Variants in STK32C observed in about 807,000 individuals in gnomAD.
STK32C encodes the protein serine/threonine kinase 32C, also known as serine/threonine-protein kinase 32C.
A neutral mutation model predicts 56.5 loss-of-function variants in STK32C; 31 were observed. The ratio of observed to expected loss-of-function variants is 0.55; its 90% CI spans 0.41 to 0.74. The LOEUF (loss-of-function observed/expected upper bound fraction) is 0.74. STK32C is among the 30% of genes least tolerant of loss of function. The pLI is 0.00. For synonymous variants in STK32C, 309 were observed against 289.4 expected (o/e 1.07, Z -0.69); for missense variants, 544 against 676.9 (o/e 0.80, Z 2.18).
chr10:132,246,775 G>A (rs935030783), intron 1 of STK32C, among the ~76,000 whole-genome samples: 7 of 152,086 alleles, frequency 4.6e-5, no homozygotes, highest in Non-Finnish European at 1.0e-4. Context: ...TAAGACGGGG[G>A]TCCCACAATG....
At chr10:132,240,077 C>G (rs756435095) in intron 2 of STK32C, among the ~76,000 whole-genome samples, 15 of 152,104 alleles carry the variant, frequency 9.9e-5, no homozygotes, top group African/African-American at 2.9e-4. Context: ...CGAGGCCCCC[C>G]CCAAAGAAGA....
At chr10:132,321,050 G>C (rs2066397384), downstream of STK32C, among the ~76,000 whole-genome samples, 1 of 152,226 alleles carries the variant, frequency 6.6e-6, no homozygotes, top group South Asian at 2.1e-4. Flanking sequence ...GGGGTGTCAG[G>C]TGGGAGGGAG....
intron 1 of STK32C, among the ~76,000 whole-genome samples, chr10:132,316,109 A>C (rs2066304566): frequency 6.6e-6 from 1 of 152,234 alleles, no homozygotes; most frequent in Non-Finnish European, 1.5e-5. Context: ...AAGCTAAAAA[A>C]ACCATTCCAC....
At chr10:132,228,224 T>C (rs911957045) in intron 2 of STK32C, 96 bp from the exon 3 acceptor site, 1 of 1,557,894 alleles carries the variant, frequency 6.4e-7, no homozygotes, top group East Asian at 2.2e-5. Flanking sequence ...GGACGCATCG[T>C]CAGGACACAA....
chr10:132,331,180 G>A (rs1025945196), intron 1 of STK32C, among the ~76,000 whole-genome samples: 17 of 105,046 alleles, frequency 1.6e-4, no homozygotes, highest in Non-Finnish European at 2.7e-4. Flanking sequence ...CAGCCTGGGA[G>A]ACAAAGCAAG....
At chr10:132,245,862 C>T (rs3829920) in intron 2 of STK32C, 38 bp downstream of exon 2, 260,317 of 1,597,198 alleles carry the variant, frequency 0.16, 22,082 homozygotes, top group East Asian at 0.23. Flanking sequence ...TCTGCCCCTG[C>T]CCCCTCAGCC....
rs149504357 is a variant in STK32C, at chr10:132,234,775, G to A, written c.319-6647C>T. 4.0e-3 allele frequency among the ~76,000 whole-genome samples: 602 copies of A among 152,344 alleles called. 2 individuals are homozygous for A. The highest frequency in any genetic ancestry group is 0.013 in the African/African-American group (546 of 41,576). Reference sequence around the variant, plus strand: ...AGCTGCTGGGGGGGCCTTGGGGGTTGGAGGTCAGGTAAAGACAGGAAGTCT... The same window carrying A: ...AGCTGCTGGGGGGGCCTTGGGGGTTAGAGGTCAGGTAAAGACAGGAAGTCT... On this transcript the variant is annotated intron_variant, in intron 2 of 11. Transcript: ENST00000298630.
At chr10:132,252,373 T>C (rs2063940081) in intron 1 of STK32C, among the ~76,000 whole-genome samples, 3 of 152,238 alleles carry the variant, frequency 2.0e-5, no homozygotes, top group Admixed American at 2.0e-4. Context: ...GAAGGGGACA[T>C]TTGGCAAAGA....
chr10:132,269,251 ATG>A (rs1425329450), intron 1 of STK32C, among the ~76,000 whole-genome samples: 1 of 151,710 alleles, frequency 6.6e-6, no homozygotes, highest in Non-Finnish European at 1.5e-5. Flanking sequence ...GTCTCCGTGC[ATG>A]TGTGTGCACA....
intron 1 of STK32C, among the ~76,000 whole-genome samples, chr10:132,253,167 T>C (rs1031979321): frequency 6.6e-6 from 1 of 152,184 alleles, no homozygotes; most frequent in Admixed American, 6.5e-5. Context: ...AGCAACAAAA[T>C]AACCAAAGAA....
intron 1 of STK32C, among the ~76,000 whole-genome samples, chr10:132,304,054 G>A (rs917269536): frequency 5.3e-5 from 8 of 152,190 alleles, no homozygotes; most frequent in South Asian, 4.1e-4. Context: ...TATTTCACAC[G>A]GACCCCTTTG....
downstream of STK32C, among the ~76,000 whole-genome samples, chr10:132,319,394 G>A (rs1045506367): frequency 6.6e-6 from 1 of 152,220 alleles, no homozygotes; most frequent in African/African-American, 2.4e-5. Flanking sequence ...ATTCATAGCA[G>A]CATGATTTCA....
At chr10:132,233,919 A>C (rs531561871) in intron 2 of STK32C, among the ~76,000 whole-genome samples, 30 of 152,354 alleles carry the variant, frequency 2.0e-4, no homozygotes, top group African/African-American at 6.7e-4. Context: ...CTGGAGCCTT[A>C]CTGGGCTTGG....
chr10:132,301,287 G>T (rs2065904628), intron 1 of STK32C, among the ~76,000 whole-genome samples: 1 of 152,176 alleles, frequency 6.6e-6, no homozygotes, highest in Admixed American at 6.5e-5. Flanking sequence ...CTCCACTAAT[G>T]TGAACCCAGA....
At chr10:132,211,268 G>A (rs558910409) in intron 10 of STK32C, among the ~76,000 whole-genome samples, 97 of 152,284 alleles carry the variant, frequency 6.4e-4, no homozygotes, top group Non-Finnish European at 1.1e-3. Flanking sequence ...GACTACTCAG[G>A]AATGAGGGTC....
upstream of STK32C, among the ~76,000 whole-genome samples, chr10:132,308,269 C>G (rs1166943084): frequency 6.6e-6 from 1 of 152,128 alleles, no homozygotes; most frequent in Non-Finnish European, 1.5e-5. Flanking sequence ...AGGCAGGGAG[C>G]GTCCCCACGG....
At chr10:132,272,650 C>G (rs920894913) in intron 1 of STK32C, among the ~76,000 whole-genome samples, 1 of 152,184 alleles carries the variant, frequency 6.6e-6, no homozygotes, top group Non-Finnish European at 1.5e-5. Context: ...TTCTGGCCAC[C>G]GTCCACTCCC....
At chr10:132,330,484 T>C (rs2066639316) in intron 1 of STK32C, 1 of 717,142 alleles carries the variant, frequency 1.4e-6, no homozygotes, top group South Asian at 1.5e-5. Flanking sequence ...GCTTTCAGCT[T>C]CCTGATTGGT....
chr10:132,268,677 C>T (rs1405153407), intron 1 of STK32C, among the ~76,000 whole-genome samples: 1 of 139,692 alleles, frequency 7.2e-6, no homozygotes, highest in Non-Finnish European at 1.5e-5. Flanking sequence ...GCAGGTTCAG[C>T]TCTATGCCTG....
Sources: gnomAD v4.1 joint callset for allele counts (sites outside exome capture counted in the v4.1 genomes callset) on GRCh38, gnomAD v4.1.1 for gene constraint, MANE v1.5 for transcripts, NCBI Gene and HGNC (gene_info 2026-07-23, HGNC 2026-07-21) for gene names.